SLC22A24: variants seen among roughly 807,000 people sequenced by gnomAD.
SLC22A24 encodes solute carrier family 22 member 24.
Under a neutral mutation model 49.8 loss-of-function variants are expected in SLC22A24, and 53 were observed. The ratio of observed to expected loss-of-function variants is 1.06; its 90% confidence interval spans 0.85 to 1.34. The LOEUF (loss-of-function observed/expected upper bound fraction) is 1.34. Among genes scored for constraint, SLC22A24 ranks in the 40% most tolerant of loss-of-function variants. The pLI is 0.00. For missense variants in SLC22A24, 786 were observed against 675.9 expected, an observed-to-expected ratio of 1.16 and a Z score of -1.81; for synonymous variants, 302 against 256.4, an observed-to-expected ratio of 1.18 and a Z score of -1.70.
At chr11:63,112,453 T>C (rs992339096) in intron 4 of SLC22A24, among the ~76,000 whole-genome samples, 1 of 152,148 alleles carries the variant, frequency 6.6e-6, no homozygotes, top group Non-Finnish European at 1.5e-5. Flanking sequence ...AGTGGGGTGT[T>C]AAAGTCTCCC....
At chr11:63,124,883 C>T (rs1385292409) in intron 2 of SLC22A24, among the ~76,000 whole-genome samples, 2 of 150,058 alleles carry the variant, frequency 1.3e-5, no homozygotes, top group Admixed American at 1.3e-4. Context: ...TGTTCTCACT[C>T]ATAGGTGGGA....
At chr11:63,131,807 T>C (rs527525240) in intron 2 of SLC22A24, among the ~76,000 whole-genome samples, 1 of 152,328 alleles carries the variant, frequency 6.6e-6, no homozygotes, top group South Asian at 2.1e-4. Flanking sequence ...CTGTATTTCC[T>C]GGATTTGAAT....
At chr11:63,125,274 A>G (rs2087281895) in intron 2 of SLC22A24, among the ~76,000 whole-genome samples, 1 of 152,048 alleles carries the variant, frequency 6.6e-6, no homozygotes, top group African/African-American at 2.4e-5. Flanking sequence ...TGTCATCTAC[A>G]TTAGGTATTT....
At chr11:63,119,512 C>A (rs2087236829) in intron 2 of SLC22A24, among the ~76,000 whole-genome samples, 177 bp from the exon 3 acceptor site, 2 of 152,186 alleles carry the variant, frequency 1.3e-5, no homozygotes, top group Admixed American at 6.5e-5. Context: ...GTAACCCTCC[C>A]TATTTGTCAG....
At chr11:63,113,081 CATATATATACATATATATATACATATAT>C (rs2087181823) in intron 4 of SLC22A24, among the ~76,000 whole-genome samples, 1 of 944 alleles carries the variant, frequency 1.1e-3, no homozygotes, top group African/African-American at 1.4e-3. Context: ...TATATATACA[CATATATATACATATATATATACATATAT>C]ATACACATAT....
intron 4 of SLC22A24, among the ~76,000 whole-genome samples, chr11:63,110,983 G>A (rs79471108): frequency 0.79 from 120,097 of 151,718 alleles, 48,729 homozygotes; most frequent in East Asian, 0.9. Context: ...TTGGCTGTGG[G>A]TTTGCCATAG....
At chr11:63,125,815 T>C (rs1282327467) in intron 2 of SLC22A24, among the ~76,000 whole-genome samples, 1 of 152,130 alleles carries the variant, frequency 6.6e-6, no homozygotes, top group African/African-American at 2.4e-5. Context: ...CTCTCCAGCA[T>C]CTGTTGTTTC....
intron 6 of SLC22A24, among the ~76,000 whole-genome samples, chr11:63,092,391 G>A (rs890195553): frequency 7.6e-5 from 11 of 145,308 alleles, no homozygotes; most frequent in African/African-American, 2.8e-4. Context: ...TGTAGAATTA[G>A]AAAAAACTAG....
At chr11:63,113,037 T>A (rs1248960958) in intron 4 of SLC22A24, among the ~76,000 whole-genome samples, 355 of 5,036 alleles carry the variant, frequency 0.07, 90 homozygotes, top group East Asian at 0.3. Flanking sequence ...AAAAAAAAAA[T>A]ATATATATAT....
intron 5 of SLC22A24, among the ~76,000 whole-genome samples, chr11:63,101,047 A>G (rs552557815): frequency 6.6e-6 from 1 of 152,256 alleles, no homozygotes; most frequent in South Asian, 2.1e-4. Flanking sequence ...AACTGGATAA[A>G]TGGGATCACA....
intron 1 of SLC22A24, among the ~76,000 whole-genome samples, chr11:63,140,634 G>C (rs2087409011): frequency 6.6e-6 from 1 of 152,056 alleles, no homozygotes; most frequent in Non-Finnish European, 1.5e-5. Flanking sequence ...GATGTCCTAG[G>C]CTTCACCCCA....
chr11:63,084,361 G>T (rs745575865), intron 6 of SLC22A24, among the ~76,000 whole-genome samples: 1 of 152,180 alleles, frequency 6.6e-6, no homozygotes, highest in Non-Finnish European at 1.5e-5. Flanking sequence ...GGTTGTATAG[G>T]CTCTGAAAGA....
At chr11:63,085,093 C>T (rs1468105206) in intron 6 of SLC22A24, among the ~76,000 whole-genome samples, 1 of 151,786 alleles carries the variant, frequency 6.6e-6, no homozygotes, top group Non-Finnish European at 1.5e-5. Context: ...ATGATTAGGC[C>T]CTGTGCTTTC....
In SLC22A24 at chr11:63,117,285, C is replaced by T. The variant is rs1051076901; in HGVS notation, c.830+1627G>A. Among the ~76,000 whole-genome samples the T allele has an allele frequency of 4.6e-5, 7 of 152,246 alleles. No individual in the cohort carries two copies. The South Asian group carries it at 6.2e-4, about 14-fold the overall frequency. The stretch of plus-strand genomic sequence containing the variant: ...TGTTTGGTTAGTGGCTTTTTGTTAA[C>T]GAATTCTGTAAAATCAGTATTCGTC... On this transcript the variant is annotated intron_variant, in intron 4 of 9. Coordinates refer to ENST00000612278, the MANE Select transcript of SLC22A24 (RefSeq NM_001136506.2).
chr11:63,100,193 A>T (rs1487238340), intron 5 of SLC22A24, among the ~76,000 whole-genome samples: 1 of 152,138 alleles, frequency 6.6e-6, no homozygotes, highest in Non-Finnish European at 1.5e-5. Flanking sequence ...TCCACAAAAA[A>T]CTATGAGCTG....
intron 5 of SLC22A24, among the ~76,000 whole-genome samples, chr11:63,097,778 A>G (rs2087064746): frequency 6.6e-6 from 1 of 152,112 alleles, no homozygotes; most frequent in Non-Finnish European, 1.5e-5. Flanking sequence ...CCCTACATGG[A>G]TGAAGCTGGA....
In SLC22A24 at chr11:63,119,083, G is replaced by A. The variant is rs751804259; in HGVS notation, c.662-3C>T. ...CCGGGGCAATGTCCACTCTAAGCCT[G>A]GAAGAAAACATATACATAGTAATAA... On this transcript the variant is annotated splice_polypyrimidine_tract_variant and splice_region_variant and intron_variant, in intron 3 of 9. Transcript: ENST00000612278. 3 of 1,544,480 alleles carry A rather than the reference G, an allele frequency of 1.9e-6. No individual in the cohort carries two copies. The East Asian group carries it at 7.4e-5, about 38-fold the overall frequency.
chr11:63,097,536 A>C (rs2087063110), intron 5 of SLC22A24, among the ~76,000 whole-genome samples: 1 of 152,204 alleles, frequency 6.6e-6, no homozygotes, highest in Admixed American at 6.5e-5. Flanking sequence ...ATCTAGAACC[A>C]GAAATACCAT....
intron 5 of SLC22A24, among the ~76,000 whole-genome samples, chr11:63,102,623 C>A (rs1039243421): frequency 6.6e-6 from 1 of 152,102 alleles, no homozygotes; most frequent in African/African-American, 2.4e-5. Context: ...AATGAAAAAG[C>A]CTGTGTAACC....
Sources: allele counts gnomAD v4.1 joint callset (sites outside exome capture counted in the v4.1 genomes callset), GRCh38; gene constraint gnomAD v4.1.1; transcripts MANE v1.5; gene names NCBI Gene and HGNC (gene_info 2026-07-23, HGNC 2026-07-21).